Variants in HS6ST3 observed in about 807,000 individuals in gnomAD.
The protein encoded by HS6ST3 is heparan-sulfate 6-O-sulfotransferase 3.
In HS6ST3, 12 loss-of-function variants were observed where a neutral mutation model predicts 36.7. The ratio of observed to expected loss-of-function variants is 0.33; its 90% CI spans 0.21 to 0.53. The LOEUF (loss-of-function observed/expected upper bound fraction) is 0.53. HS6ST3 is among the 20% of genes least tolerant of loss of function. The pLI, the probability that HS6ST3 is intolerant of heterozygous loss-of-function variation, is 0.95. For synonymous variants in HS6ST3, 240 were observed against 257.5 expected, an observed-to-expected ratio of 0.93 and a Z score of 0.65; for missense variants, 584 against 640.9, an observed-to-expected ratio of 0.91 and a Z score of 0.96.
At chr13:96,715,774 A>G (rs1368508591) in intron 1 of HS6ST3, among the ~76,000 whole-genome samples, 1 of 152,122 alleles carries the variant, frequency 6.6e-6, no homozygotes, top group East Asian at 1.9e-4. Context: ...GCATAGTTAT[A>G]TCAAGATTTT....
At chr13:96,724,465 CA>C (rs1257897665) in intron 1 of HS6ST3, among the ~76,000 whole-genome samples, 2 of 152,178 alleles carry the variant, frequency 1.3e-5, no homozygotes, top group African/African-American at 4.8e-5. Flanking sequence ...AGATACTGAA[CA>C]GATCCATCCA....
intron 1 of HS6ST3, among the ~76,000 whole-genome samples, chr13:96,352,915 T>A (rs989093312): frequency 3.3e-5 from 5 of 152,060 alleles, no homozygotes; most frequent in African/African-American, 1.2e-4. Context: ...ACAGAGAGAT[T>A]TAAATAACTT....
At chr13:96,542,179 A>G (rs1032899683) in intron 1 of HS6ST3, among the ~76,000 whole-genome samples, 4 of 152,202 alleles carry the variant, frequency 2.6e-5, no homozygotes, top group Admixed American at 1.3e-4. Context: ...TAAGAACAAC[A>G]CATGACCAGT....
At chr13:96,635,439 C>T (rs143967324) in intron 1 of HS6ST3, among the ~76,000 whole-genome samples, 1 of 152,126 alleles carries the variant, frequency 6.6e-6, no homozygotes, top group African/African-American at 2.4e-5. Flanking sequence ...GCCTGGAACC[C>T]ACCCCCCTCT....
chr13:96,176,498 C>A (rs1388719131), intron 1 of HS6ST3, among the ~76,000 whole-genome samples: 1 of 151,840 alleles, frequency 6.6e-6, no homozygotes, highest in Non-Finnish European at 1.5e-5. Context: ...ACCTTAGGTA[C>A]CTTGTAAGAG....
chr13:96,827,229 A>T (rs564554908), intron 1 of HS6ST3, among the ~76,000 whole-genome samples: 1 of 152,350 alleles, frequency 6.6e-6, no homozygotes, highest in South Asian at 2.1e-4. Flanking sequence ...TTTGGCAAAT[A>T]GATGGGGCTT....
At chr13:96,571,217 C>G (rs1434488936) in intron 1 of HS6ST3, among the ~76,000 whole-genome samples, 2 of 152,198 alleles carry the variant, frequency 1.3e-5, no homozygotes, top group Non-Finnish European at 2.9e-5. Flanking sequence ...TTGGTCAACT[C>G]TGCTTATTGA....
intron 1 of HS6ST3, among the ~76,000 whole-genome samples, chr13:96,809,900 C>T (rs1325191995): frequency 1.3e-5 from 2 of 152,162 alleles, no homozygotes; most frequent in African/African-American, 2.4e-5. Context: ...GTTATGTTTC[C>T]ATAGAGCTTG....
chr13:96,266,898 G>A (rs1468180242), intron 1 of HS6ST3, among the ~76,000 whole-genome samples: 1 of 152,120 alleles, frequency 6.6e-6, no homozygotes, highest in Non-Finnish European at 1.5e-5. Flanking sequence ...ATCCTGAGCT[G>A]TATGTTCTAA....
chr13:96,834,691 A>G lies in HS6ST3; in HGVS notation c.*1493A>G, dbSNP rs7318501. 8,192 of 152,712 alleles carry G rather than the reference A, an allele frequency of 0.054. 251 individuals are homozygous for G. Among genetic ancestry groups the G allele is most frequent in the Middle Eastern group, 0.12 (34 of 294 alleles). The allele number at this position is 152,712 out of a possible 1,614,324, so 9.5% of individuals were successfully genotyped here. A position where few individuals can be genotyped will look rare whatever the true frequency, so the allele number is the denominator to read the frequency against. ...AAAATGTGTAAAACCCCTAAATCAGATTGAAAAGCCTATTTCATTGATATC... is the reference window on the plus strand; with the variant it reads ...AAAATGTGTAAAACCCCTAAATCAGGTTGAAAAGCCTATTTCATTGATATC... On this transcript the variant is annotated 3_prime_UTR_variant, in exon 2 of 2. Coordinates refer to ENST00000376705, the MANE Select transcript of HS6ST3 (RefSeq NM_153456.4).
chr13:96,721,220 A>C (rs935047087), intron 1 of HS6ST3, among the ~76,000 whole-genome samples: 2 of 152,130 alleles, frequency 1.3e-5, no homozygotes, highest in Admixed American at 6.6e-5. Flanking sequence ...TAGATATATA[A>C]TTTTAGAACA....
chr13:96,603,784 T>C (rs1312813674), intron 1 of HS6ST3, among the ~76,000 whole-genome samples: 1 of 152,208 alleles, frequency 6.6e-6, no homozygotes, highest in African/African-American at 2.4e-5. Flanking sequence ...CTGGGCCTAG[T>C]TTGTAATAAT....
intron 1 of HS6ST3, among the ~76,000 whole-genome samples, chr13:96,353,338 G>C (rs2055193508): frequency 6.6e-6 from 1 of 151,956 alleles, no homozygotes; most frequent in African/African-American, 2.4e-5. Context: ...CAAATTAATG[G>C]AAGTGAATAG....
At chr13:96,135,513 G>A (rs2053997363) in intron 1 of HS6ST3, among the ~76,000 whole-genome samples, 1 of 152,136 alleles carries the variant, frequency 6.6e-6, no homozygotes, top group Non-Finnish European at 1.5e-5. Context: ...GCTATTGGCG[G>A]TATCCCTAGG....
At chr13:96,688,169 G>A (rs1032305534) in intron 1 of HS6ST3, among the ~76,000 whole-genome samples, 2 of 150,052 alleles carry the variant, frequency 1.3e-5, no homozygotes, top group Non-Finnish European at 3.0e-5. Context: ...GTATACATAT[G>A]TAACAAACCT....
intron 1 of HS6ST3, among the ~76,000 whole-genome samples, chr13:96,533,039 T>C (rs1421340685): frequency 6.6e-6 from 1 of 152,210 alleles, no homozygotes; most frequent in East Asian, 1.9e-4. Context: ...TTAAAAGCTC[T>C]AACATAAGAT....
At chr13:96,806,814 A>G (rs189240931) in intron 1 of HS6ST3, among the ~76,000 whole-genome samples, 48 of 152,318 alleles carry the variant, frequency 3.2e-4, no homozygotes, top group African/African-American at 1.1e-3. Context: ...AGATTCATAT[A>G]TTCTCAGATT....
chr13:96,360,924 C>T (rs9556575), intron 1 of HS6ST3, among the ~76,000 whole-genome samples: 56,242 of 143,562 alleles, frequency 0.39, 11,533 homozygotes, highest in African/African-American at 0.52. Flanking sequence ...CCAGCCTGGA[C>T]GACAGAGCAA....
At chr13:96,406,213 TACAG>T (rs1455421890) in intron 1 of HS6ST3, among the ~76,000 whole-genome samples, 3 of 152,242 alleles carry the variant, frequency 2.0e-5, no homozygotes, top group Non-Finnish European at 2.9e-5. Flanking sequence ...TGCTATCACA[TACAG>T]ACAATTATGA....
Sources: gnomAD v4.1 joint callset for allele counts (sites outside exome capture counted in the v4.1 genomes callset) on GRCh38, gnomAD v4.1.1 for gene constraint, MANE v1.5 for transcripts, NCBI Gene and HGNC (gene_info 2026-07-23, HGNC 2026-07-21) for gene names.